PXK: variants seen among roughly 807,000 people sequenced by gnomAD.
The protein encoded by PXK is PX domain containing serine/threonine kinase like.
Under a neutral mutation model 84.7 loss-of-function variants are expected in PXK, and 35 were observed. The observed-to-expected ratio is 0.41, with a 90% confidence interval of 0.32 to 0.55. The LOEUF is 0.55. PXK is among the 20% of genes least tolerant of loss of function. The pLI is 0.21. For missense variants in PXK, 634 were observed against 699.7 expected (o/e 0.91, Z 1.06); for synonymous variants, 253 against 260.8 (o/e 0.97, Z 0.29).
At position 58,333,264 on chromosome 3, in the gene PXK, G is replaced by A; in HGVS notation, c.102+174G>A. On this transcript the variant is annotated intron_variant, in intron 1 of 17. Coordinates refer to ENST00000356151, the MANE Select transcript of PXK (RefSeq NM_017771.5). This position sits in a 1 kb window ranked among gnomAD's most constrained non-coding sequence, Gnocchi z 5.4. Reference sequence around the variant, plus strand: ...GCTGGGTCTGGGTCAGGGCCCCTGGGGCCCAGGCGAACGCTGAGGCCCGGA... The same window carrying A: ...GCTGGGTCTGGGTCAGGGCCCCTGGAGCCCAGGCGAACGCTGAGGCCCGGA... 1 of 282,992 alleles carries A rather than the reference G, an allele frequency of 3.5e-6. No individual in the cohort carries two copies. Among genetic ancestry groups the A allele is most frequent in the Non-Finnish European group, 5.9e-6 (1 of 170,170 alleles). The allele number at this position is 282,992 out of a possible 1,614,324, so 17.5% of individuals were successfully genotyped here. A position where few individuals can be genotyped will look rare whatever the true frequency, so the allele number is the denominator to read the frequency against.
chr3:58,352,300 AG>A (rs2097947260), intron 1 of PXK, among the ~76,000 whole-genome samples: 1 of 152,224 alleles, frequency 6.6e-6, no homozygotes, highest in African/African-American at 2.4e-5. Context: ...AGTCTCCAGC[AG>A]GTACTCAGGT....
intron 1 of PXK, among the ~76,000 whole-genome samples, chr3:58,355,975 G>C (rs1310870895): frequency 6.6e-6 from 1 of 151,956 alleles, no homozygotes; most frequent in African/African-American, 2.4e-5. Flanking sequence ...ATCTCGCTGA[G>C]CTGAGATCTA....
chr3:58,409,100 T>G lies in PXK; in HGVS notation c.1308+99T>G. The stretch of plus-strand genomic sequence containing the variant: ...TTGACTGTTCCCTCTGCAAATATTT[T>G]AAGCATACTTACTCTCAGCCAGCCT... On this transcript the variant is annotated intron_variant, in intron 14 of 17. Transcript: ENST00000356151. This position sits in a 1 kb window ranked among gnomAD's most constrained non-coding sequence, Gnocchi z 4.2. The G allele has an allele frequency of 2.2e-6, 2 of 894,174 alleles. No homozygotes were observed. The highest frequency in any genetic ancestry group is 3.5e-6 in the Non-Finnish European group (2 of 568,432). 55.4% of individuals were successfully genotyped at this position (894,174 alleles called of 1,614,324 possible).
At chr3:58,395,602 G>A (rs1477811752) in intron 8 of PXK, 56 bp from the exon 9 acceptor site, 3 of 1,332,548 alleles carry the variant, frequency 2.3e-6, no homozygotes, top group Admixed American at 1.8e-5. Context: ...GGGAGTCTGT[G>A]TGCAGATATT....
chr3:58,413,812 G>C (rs1272259586), intron 17 of PXK: 1 of 152,204 alleles, frequency 6.6e-6, no homozygotes, highest in African/African-American at 2.4e-5. Context: ...TCATTGGCAG[G>C]GAGTTGGTAT....
chr3:58,336,870 C>T (rs910092467), intron 1 of PXK, among the ~76,000 whole-genome samples: 5 of 152,044 alleles, frequency 3.3e-5, no homozygotes, highest in African/African-American at 9.7e-5. Context: ...GAGTGCAGGT[C>T]GCAATCTCAG....
chr3:58,406,721 A>G (rs2059467927), intron 13 of PXK, among the ~76,000 whole-genome samples: 1 of 151,808 alleles, frequency 6.6e-6, no homozygotes, highest in Non-Finnish European at 1.5e-5. Context: ...TAGAATAATG[A>G]CTCCCCATTT....
intron 2 of PXK, among the ~76,000 whole-genome samples, chr3:58,367,249 C>CT (rs374016533): frequency 0.029 from 4,210 of 143,298 alleles, 149 homozygotes; most frequent in African/African-American, 0.086. Flanking sequence ...TTAATAAAAG[C>CT]TTTTTTTTTT....
intron 4 of PXK, among the ~76,000 whole-genome samples, chr3:58,388,764 A>G (rs2098593258): frequency 6.6e-6 from 1 of 152,190 alleles, no homozygotes; most frequent in East Asian, 1.9e-4. Flanking sequence ...TTCTTCCCTG[A>G]TCTCTTAACT....
chr3:58,349,051 C>T (rs914248356), intron 1 of PXK, among the ~76,000 whole-genome samples: 1 of 151,992 alleles, frequency 6.6e-6, no homozygotes, highest in Non-Finnish European at 1.5e-5. Flanking sequence ...TTGCTTGTGG[C>T]TACTAGGCAG....
At chr3:58,419,686 C>T (rs7648679) in intron 17 of PXK, among the ~76,000 whole-genome samples, 2,712 of 152,268 alleles carry the variant, frequency 0.018, 78 homozygotes, top group African/African-American at 0.062. Flanking sequence ...ATTCAAGTTT[C>T]TCTGGCTAGC....
chr3:58,363,645 T>C (rs2108387634), intron 1 of PXK, among the ~76,000 whole-genome samples: 1 of 152,320 alleles, frequency 6.6e-6, no homozygotes, highest in Middle Eastern at 3.4e-3. Flanking sequence ...ATTCCAGTTT[T>C]TTTGTAGATC....
rs2058095214 is a variant in PXK at position 58,398,641 on chromosome 3, C to T, written c.1103-658C>T. ...CAGACTCATCCAGGACCCTTTCATC[C>T]CCTCCACAGCCAGGCTGGCACCCAC... is the stretch of plus-strand genomic sequence containing the variant. On this transcript the variant is annotated intron_variant, in intron 11 of 17. Transcript: ENST00000356151. This position sits in a 1 kb window ranked among gnomAD's most constrained non-coding sequence, Gnocchi z 4.5. Among the ~76,000 whole-genome samples the T allele has an allele frequency of 6.6e-6, 1 of 152,110 alleles. No homozygotes were observed. Among genetic ancestry groups the T allele is most frequent in the Admixed American group, 6.6e-5 (1 of 15,258 alleles).
intron 3 of PXK, among the ~76,000 whole-genome samples, chr3:58,377,270 A>G (rs534715262): frequency 2.0e-5 from 3 of 152,076 alleles, no homozygotes; most frequent in Non-Finnish European, 4.4e-5. Flanking sequence ...ATTTGGCTGC[A>G]TCATTGTTGT....
rs1411627606 is a variant in PXK at position 58,400,408 on chromosome 3, A to T, written c.1181+1031A>T. ...CGAGGCAGGGGACAGCTTGAAGGGC[A>T]TGTAGCCAGAGTTCAGAGAAGGTAG... is the stretch of plus-strand genomic sequence containing the variant. On this transcript the variant is annotated intron_variant, in intron 12 of 17. Transcript: ENST00000356151. This position sits in a 1 kb window ranked among gnomAD's most constrained non-coding sequence, Gnocchi z 4.0. Among the ~76,000 whole-genome samples the T allele has an allele frequency of 1.3e-5, 2 of 152,180 alleles. No homozygotes were observed. The highest frequency in any genetic ancestry group is 4.8e-5 in the African/African-American group (2 of 41,444).
chr3:58,377,158 G>A (rs909153749), intron 3 of PXK, among the ~76,000 whole-genome samples: 1 of 152,262 alleles, frequency 6.6e-6, no homozygotes, highest in South Asian at 2.1e-4. Flanking sequence ...AATTTACTCT[G>A]TGTATGCTCT....
intron 3 of PXK, among the ~76,000 whole-genome samples, chr3:58,375,355 G>A (rs1345441444): frequency 6.6e-6 from 1 of 152,070 alleles, no homozygotes; most frequent in Non-Finnish European, 1.5e-5. Context: ...AAAAAAAGTA[G>A]TAAATGAGCA....
At position 58,333,441 on chromosome 3, in the gene PXK, C is replaced by G; in HGVS notation, c.102+351C>G. 2 of 430,738 alleles carry G rather than the reference C, an allele frequency of 4.6e-6. No individual in the cohort carries two copies. The highest frequency in any genetic ancestry group is 1.7e-5 in the South Asian group (1 of 59,380). 26.7% of individuals were successfully genotyped at this position (430,738 alleles called of 1,614,324 possible). A position where few individuals can be genotyped will look rare whatever the true frequency, so the allele number is the denominator to read the frequency against. ...CTAGGGGAGCAGGAACGAGACCGCTCAGGACCATCCACTTCTGCCCGCCGC... is the reference window on the plus strand; with the variant it reads ...CTAGGGGAGCAGGAACGAGACCGCTGAGGACCATCCACTTCTGCCCGCCGC... On this transcript the variant is annotated intron_variant, in intron 1 of 17. Transcript: ENST00000356151. The surrounding 1 kb of genome is among the most constrained non-coding windows in gnomAD (Gnocchi z 5.4).
chr3:58,422,653 A>C (rs1344492202), intron 17 of PXK: 3 of 985,256 alleles, frequency 3.0e-6, no homozygotes, highest in Non-Finnish European at 3.6e-6. Context: ...TCTAATTTTG[A>C]GGGCCTGGTA....
Sources: gnomAD v4.1 joint callset for allele counts (sites outside exome capture counted in the v4.1 genomes callset) on GRCh38, gnomAD v4.1.1 for gene constraint, Gnocchi (gnomAD v3.1) non-coding constraint, MANE v1.5 for transcripts, NCBI Gene and HGNC (gene_info 2026-07-23, HGNC 2026-07-21) for gene names.